DOCK1: variants seen among roughly 807,000 people sequenced by gnomAD.
The protein encoded by DOCK1 is dedicator of cytokinesis 1, also known as dedicator of cytokinesis protein 1.
Under a neutral mutation model 262.7 loss-of-function variants are expected in DOCK1, and 138 were observed. The observed-to-expected ratio is 0.53, with a 90% confidence interval of 0.46 to 0.61. The LOEUF (loss-of-function observed/expected upper bound fraction) is 0.61, where lower values mean the gene tolerates loss of function less well. Among genes scored for constraint, DOCK1 ranks in the 20% least tolerant of loss-of-function variants. The probability of loss-of-function intolerance (pLI) is 0.00; values close to 1 mark genes in which losing one functional copy is unlikely to be tolerated. For missense variants in DOCK1, 1,908 were observed against 2,370.7 expected (o/e 0.80, Z 4.05); for synonymous variants, 866 against 867.4 (o/e 1.00, Z 0.03).
chr10:127,383,095 C>T (rs546590909), intron 37 of DOCK1, among the ~76,000 whole-genome samples: 13 of 152,204 alleles, frequency 8.5e-5, no homozygotes, highest in African/African-American at 1.2e-4. Context: ...TATGTTGTTG[C>T]GAAAATTCTT....
At chr10:127,424,203 A>G (rs75415835) in intron 46 of DOCK1, among the ~76,000 whole-genome samples, 3,178 of 152,302 alleles carry the variant, frequency 0.021, 120 homozygotes, top group African/African-American at 0.072. Context: ...TTCCTGTCCT[A>G]TCAGAAGGTT....
At chr10:127,138,866 C>A (rs932698845) in intron 27 of DOCK1, among the ~76,000 whole-genome samples, 1 of 152,222 alleles carries the variant, frequency 6.6e-6, no homozygotes, top group Non-Finnish European at 1.5e-5. Context: ...AGAGCCCTCT[C>A]GTCTCCATGT....
chr10:127,109,620 G>A (rs1256412634), intron 24 of DOCK1, among the ~76,000 whole-genome samples: 1 of 152,094 alleles, frequency 6.6e-6, no homozygotes, highest in South Asian at 2.1e-4. Flanking sequence ...TACAGAGCTG[G>A]AATCATACAA....
At chr10:127,342,061 G>C (rs981979861) in intron 30 of DOCK1, among the ~76,000 whole-genome samples, 2 of 151,982 alleles carry the variant, frequency 1.3e-5, no homozygotes, top group African/African-American at 4.8e-5. Context: ...GTGTTTTGTT[G>C]TTGTTGCTGC....
intron 27 of DOCK1, among the ~76,000 whole-genome samples, chr10:127,150,741 A>G (rs879613192): frequency 2.0e-5 from 3 of 152,222 alleles, no homozygotes; most frequent in Non-Finnish European, 4.4e-5. Context: ...AGTGCTTTGG[A>G]AAGAGTGGGG....
chr10:127,333,739 C>G (rs1210856835), intron 29 of DOCK1, among the ~76,000 whole-genome samples: 4 of 152,198 alleles, frequency 2.6e-5, no homozygotes, highest in Admixed American at 2.6e-4. Flanking sequence ...TCGCCGGCCA[C>G]ACCAGCCTGT....
At chr10:127,304,663 T>G (rs1020827292) in intron 29 of DOCK1, among the ~76,000 whole-genome samples, 5 of 152,156 alleles carry the variant, frequency 3.3e-5, no homozygotes, top group Non-Finnish European at 7.4e-5. Context: ...GGTGAGAGGC[T>G]TGCTTGAGCC....
chr10:127,260,389 G>T (rs375901420), intron 29 of DOCK1, among the ~76,000 whole-genome samples: 1 of 152,154 alleles, frequency 6.6e-6, no homozygotes, highest in African/African-American at 2.4e-5. Flanking sequence ...TCGTGTACAC[G>T]GACTGCAGCT....
intron 11 of DOCK1, among the ~76,000 whole-genome samples, chr10:127,010,260 A>T (rs1379828967): frequency 6.6e-6 from 1 of 152,210 alleles, no homozygotes; most frequent in Non-Finnish European, 1.5e-5. Flanking sequence ...TGAGGTCAGG[A>T]GTTCGAGACC....
intron 27 of DOCK1, among the ~76,000 whole-genome samples, chr10:127,194,877 C>T (rs913761413): frequency 5.4e-5 from 8 of 148,834 alleles, no homozygotes; most frequent in African/African-American, 1.5e-4. Flanking sequence ...AATTTCAGCG[C>T]CTAAGCAGAC....
chr10:127,152,327 C>T lies in DOCK1; in HGVS notation c.2847+24563C>T, dbSNP rs187889092. On this transcript the variant is annotated intron_variant, in intron 27 of 51. Coordinates refer to ENST00000623213, the MANE Select transcript of DOCK1 (RefSeq NM_001290223.2). ...AAAGTTTCCCATTAAGCAAACTTCT[C>T]TGATCTGTTGCTATCATTGAGTTTC... Among the ~76,000 whole-genome samples the T allele has an allele frequency of 2.5e-3, 377 of 152,336 alleles. 1 individual carries two copies. The highest frequency in any genetic ancestry group is 8.8e-3 in the African/African-American group (366 of 41,592).
chr10:126,979,182 C>G (rs2038765896), intron 3 of DOCK1, among the ~76,000 whole-genome samples: 1 of 152,134 alleles, frequency 6.6e-6, no homozygotes, highest in Non-Finnish European at 1.5e-5. Context: ...ATAGATTTCT[C>G]CAAGGAAAGT....
At chr10:127,317,787 C>T (rs905203072) in intron 29 of DOCK1, among the ~76,000 whole-genome samples, 2 of 152,186 alleles carry the variant, frequency 1.3e-5, no homozygotes, top group Non-Finnish European at 2.9e-5. Flanking sequence ...GTGCCACTCT[C>T]ATGCTGCTAG....
At chr10:126,912,534 G>A (rs572451908) in intron 1 of DOCK1, among the ~76,000 whole-genome samples, 2 of 151,218 alleles carry the variant, frequency 1.3e-5, no homozygotes, top group Non-Finnish European at 2.9e-5. Context: ...AGACCCTCCC[G>A]GCTAACACGG....
rs2035783086 is a variant in DOCK1 at position 126,948,395 on chromosome 10, T to C, written c.47-22307T>C. Among the ~76,000 whole-genome samples, 6 of 80,978 alleles carry C rather than the reference T, an allele frequency of 7.4e-5. 2 individuals are homozygous for C. The highest frequency in any genetic ancestry group is 8.3e-5 in the Non-Finnish European group (3 of 35,994). The allele number at this position is 80,978 out of a possible 152,430, so 53.1% of individuals were successfully genotyped here. On this transcript the variant is annotated intron_variant, in intron 1 of 51. Transcript: ENST00000623213. ...TTACTGTTGGTGGTGATGGTGGTGGTTGGTAGTATTACTGTTGGTGGTGAT... is the reference window on the plus strand; with the variant it reads ...TTACTGTTGGTGGTGATGGTGGTGGCTGGTAGTATTACTGTTGGTGGTGAT...
At chr10:126,907,202 A>C (rs1160006109) in intron 1 of DOCK1, among the ~76,000 whole-genome samples, 3 of 152,092 alleles carry the variant, frequency 2.0e-5, no homozygotes, top group African/African-American at 7.2e-5. Context: ...CTGCGGGGGT[A>C]GTGTGTAGAG....
At chr10:127,203,222 G>A (rs886716589) in intron 27 of DOCK1, among the ~76,000 whole-genome samples, 6 of 152,190 alleles carry the variant, frequency 3.9e-5, no homozygotes, top group Admixed American at 1.3e-4. Context: ...CCCTTCTGGT[G>A]CCATGTATAA....
intron 27 of DOCK1, among the ~76,000 whole-genome samples, chr10:127,196,747 AGCTGCCGCCG>A (rs566357511): frequency 0.014 from 2,121 of 151,318 alleles, 17 homozygotes; most frequent in African/African-American, 0.026. Context: ...AGGTGGAAGG[AGCTGCCGCCG>A]GCTGCCGCCG....
At chr10:127,216,535 A>AT (rs1459773329) in intron 27 of DOCK1, among the ~76,000 whole-genome samples, 3 of 152,072 alleles carry the variant, frequency 2.0e-5, no homozygotes, top group Admixed American at 6.6e-5. Context: ...CCTTACAGCC[A>AT]TTGGGCTGGG....
Sources: allele counts gnomAD v4.1 joint callset (sites outside exome capture counted in the v4.1 genomes callset), GRCh38; gene constraint gnomAD v4.1.1; transcripts MANE v1.5; gene names NCBI Gene and HGNC (gene_info 2026-07-23, HGNC 2026-07-21).